USO1: variants seen among roughly 807,000 people sequenced by gnomAD.
USO1 encodes USO1 vesicle transport factor.
USO1 carries 57 observed loss-of-function variants against 124.5 expected under a neutral mutation model. The observed-to-expected ratio is 0.46, with a 90% confidence interval of 0.37 to 0.57. The LOEUF (loss-of-function observed/expected upper bound fraction) is 0.57, where lower values mean the gene tolerates loss of function less well. Ranked by LOEUF, USO1 falls within the 20% of genes least tolerant of loss-of-function variation. The pLI is 0.00. For missense variants in USO1, 900 were observed against 1,040.6 expected, an observed-to-expected ratio of 0.86 and a Z score of 1.86; for synonymous variants, 369 against 362.8, an observed-to-expected ratio of 1.02 and a Z score of -0.19.
intron 1 of USO1, among the ~76,000 whole-genome samples, chr4:75,735,365 GAATCATATTATTAGC>G (rs1177898670): frequency 6.6e-6 from 1 of 152,158 alleles, no homozygotes; most frequent in Non-Finnish European, 1.5e-5. Flanking sequence ...TCCAGGTTTA[GAATCATATTATTAGC>G]AAAGAGATAG....
intron 1 of USO1, among the ~76,000 whole-genome samples, chr4:75,742,132 A>G (rs1195120764): frequency 6.6e-6 from 1 of 152,240 alleles, no homozygotes; most frequent in Non-Finnish European, 1.5e-5. Flanking sequence ...GAGTAGAAGT[A>G]CACTCTAACA....
intron 19 of USO1, 53 bp downstream of exon 19, chr4:75,805,356 A>G: frequency 6.9e-7 from 1 of 1,456,374 alleles, no homozygotes; most frequent in South Asian, 1.5e-5. Context: ...GGTTCTCATT[A>G]TCCTGCCTTT....
chr4:75,801,218 G>A lies in USO1; in HGVS notation c.1986+18G>A, dbSNP rs1474089760. 4 of 1,545,984 alleles carry A rather than the reference G, an allele frequency of 2.6e-6. No homozygotes were observed. Among genetic ancestry groups the A allele is most frequent in the Non-Finnish European group, 2.6e-6 (3 of 1,152,170 alleles). On this transcript the variant is annotated intron_variant, in intron 17 of 23. Transcript: ENST00000514213. ...GAGAGCAGGTAAGTACTAATGAACTGTATATACCCTCTGATTACCAATAGG... is the reference window on the plus strand; with the variant it reads ...GAGAGCAGGTAAGTACTAATGAACTATATATACCCTCTGATTACCAATAGG...
At chr4:75,750,636 C>T (rs1453826935) in intron 1 of USO1, among the ~76,000 whole-genome samples, 1 of 151,874 alleles carries the variant, frequency 6.6e-6, no homozygotes, top group Non-Finnish European at 1.5e-5. Flanking sequence ...AGGTGCGCAC[C>T]ACCTCACCCA....
intron 7 of USO1, among the ~76,000 whole-genome samples, chr4:75,771,450 C>T (rs1047609044): frequency 6.6e-6 from 1 of 152,206 alleles, no homozygotes; most frequent in Non-Finnish European, 1.5e-5. Context: ...TCATTCTTTC[C>T]TGGCTATCCA....
intron 1 of USO1, among the ~76,000 whole-genome samples, chr4:75,726,982 T>C (rs1720481589): frequency 6.6e-6 from 1 of 152,224 alleles, no homozygotes; most frequent in African/African-American, 2.4e-5. Flanking sequence ...CTTTTTAGGA[T>C]GTAATGAAGA....
intron 12 of USO1, among the ~76,000 whole-genome samples, chr4:75,791,955 C>T (rs1250416300): frequency 1.3e-5 from 2 of 150,912 alleles, no homozygotes; most frequent in African/African-American, 4.9e-5. Context: ...ATGTTACCAT[C>T]ATCAGTTTAA....
chr4:75,796,119 A>G (rs564400086), intron 13 of USO1, among the ~76,000 whole-genome samples: 1 of 152,212 alleles, frequency 6.6e-6, no homozygotes, highest in East Asian at 1.9e-4. Context: ...CATATTTTGC[A>G]GCTTTAGCCT....
Position 75,724,796 on chromosome 4 carries a change from TAAACCTGGTGGCTGAACGGC to T in USO1, c.-21_-2del, listed in dbSNP as rs761841867. ...CTTCTTTTTTTTCCGGAGGGGCCGG[TAAACCTGGTGGCTGAACGGC>T]AAGATGAATTTCCTCCGCGGGGTAA... is the stretch of plus-strand genomic sequence containing the variant. On this transcript the variant is annotated 5_prime_UTR_variant, in exon 1 of 24. Coordinates refer to ENST00000514213, the MANE Select transcript of USO1 (RefSeq NM_003715.4). 1 of 1,613,218 alleles carries T rather than the reference TAAACCTGGTGGCTGAACGGC, an allele frequency of 6.2e-7. No individual in the cohort carries two copies. Among genetic ancestry groups the T allele is most frequent in the South Asian group, 1.1e-5 (1 of 91,024 alleles).
At position 75,782,099 on chromosome 4, in the gene USO1, T is replaced by C. The variant is rs537119749; in HGVS notation, c.677-581T>C. 2.3e-4 allele frequency among the ~76,000 whole-genome samples: 35 copies of C among 152,270 alleles called. No homozygotes were observed. In the South Asian group the frequency reaches 7.1e-3, roughly 31 times the overall value. On this transcript the variant is annotated intron_variant, in intron 8 of 23. Transcript: ENST00000514213. ...AGCTGTAAGGAAAATCAAGAGAGCA[T>C]AATGTTTTAGAAATCAAGGGAAGTT...
intron 1 of USO1, among the ~76,000 whole-genome samples, chr4:75,730,305 A>G (rs539934153): frequency 2.6e-5 from 4 of 152,336 alleles, no homozygotes; most frequent in African/African-American, 7.2e-5. Context: ...AAATTTTGTC[A>G]GCAAAGAAGT....
chr4:75,796,927 T>C (rs1280956160), intron 13 of USO1, among the ~76,000 whole-genome samples: 1 of 151,756 alleles, frequency 6.6e-6, no homozygotes, highest in Non-Finnish European at 1.5e-5. Context: ...TGGTGTTTTG[T>C]TATGGATTTT....
intron 4 of USO1, among the ~76,000 whole-genome samples, chr4:75,759,689 AC>A (rs1721547529): frequency 6.6e-6 from 1 of 151,722 alleles, no homozygotes; most frequent in Admixed American, 6.6e-5. Flanking sequence ...CAGGCAGGTC[AC>A]CTGAGGTCAG....
chr4:75,805,533 CCT>C (rs1417203971), intron 19 of USO1, among the ~76,000 whole-genome samples: 2 of 151,940 alleles, frequency 1.3e-5, no homozygotes, highest in Non-Finnish European at 2.9e-5. Context: ...ATGGCGAAAC[CCT>C]GTCTCTACTA....
At chr4:75,799,815 C>T in intron 14 of USO1, 83 bp downstream of exon 14, 2 of 1,488,706 alleles carry the variant, frequency 1.3e-6, no homozygotes, top group South Asian at 1.2e-5. Context: ...AGTTCTATGC[C>T]CAAAATATTT....
At chr4:75,728,684 A>G (rs1271908671) in intron 1 of USO1, among the ~76,000 whole-genome samples, 2 of 152,246 alleles carry the variant, frequency 1.3e-5, no homozygotes, top group African/African-American at 2.4e-5. Context: ...CCTGTCAAGT[A>G]GTAAATATTT....
At chr4:75,732,972 T>C (rs1720680150) in intron 1 of USO1, among the ~76,000 whole-genome samples, 1 of 145,192 alleles carries the variant, frequency 6.9e-6, no homozygotes. Context: ...TAAAATCACG[T>C]CTGTAGGGCC....
chr4:75,768,574 T>G (rs957766119), intron 4 of USO1, among the ~76,000 whole-genome samples: 3 of 152,370 alleles, frequency 2.0e-5, no homozygotes, highest in Admixed American at 2.0e-4. Context: ...AAACATGTCA[T>G]CTGTAAATAA....
At chr4:75,785,117 T>G (rs1722322420) in intron 9 of USO1, among the ~76,000 whole-genome samples, 2 of 152,226 alleles carry the variant, frequency 1.3e-5, no homozygotes. Flanking sequence ...ATGTATAACT[T>G]TATTTAGAGT....
Sources: gnomAD v4.1 joint callset for allele counts (sites outside exome capture counted in the v4.1 genomes callset) on GRCh38, gnomAD v4.1.1 for gene constraint, MANE v1.5 for transcripts, NCBI Gene and HGNC (gene_info 2026-07-23, HGNC 2026-07-21) for gene names.